Variants in NAALADL2 observed in about 807,000 individuals in gnomAD.
The protein encoded by NAALADL2 is N-acetylated alpha-linked acidic dipeptidase like 2.
NAALADL2 carries 76 observed loss-of-function variants against 87.2 expected under a neutral mutation model. The ratio of observed to expected loss-of-function variants is 0.87; its 90% CI spans 0.72 to 1.05. The LOEUF (loss-of-function observed/expected upper bound fraction) is 1.05, where lower values mean the gene tolerates loss of function less well. Among genes scored for constraint, NAALADL2 ranks in the 50% least tolerant of loss-of-function variants. The pLI is 0.00. For missense variants in NAALADL2, 1,089 were observed against 945.8 expected (o/e 1.15, Z -1.99); for synonymous variants, 354 against 331.0 (o/e 1.07, Z -0.75).
At chr3:175,767,804 G>A (rs1349858433) in intron 13 of NAALADL2, 1 of 151,998 alleles carries the variant, frequency 6.6e-6, no homozygotes, top group Non-Finnish European at 1.5e-5. Flanking sequence ...CAGTTCTCAG[G>A]CAGGCAACTT....
intron 1 of NAALADL2, among the ~76,000 whole-genome samples, chr3:174,954,585 C>T (rs1740891647): frequency 6.6e-6 from 1 of 152,052 alleles, no homozygotes. Flanking sequence ...TACAGTGAGA[C>T]ATATTTGCTG....
At chr3:175,254,165 G>C (rs1336825514) in intron 3 of NAALADL2, among the ~76,000 whole-genome samples, 1 of 152,104 alleles carries the variant, frequency 6.6e-6, no homozygotes, top group Non-Finnish European at 1.5e-5. Flanking sequence ...TTTTATCAAA[G>C]GAAGAGTCAG....
At chr3:174,937,030 A>G (rs1416762614) in intron 1 of NAALADL2, among the ~76,000 whole-genome samples, 1 of 152,130 alleles carries the variant, frequency 6.6e-6, no homozygotes, top group Non-Finnish European at 1.5e-5. Context: ...AAAAAGAGCC[A>G]GAGAGATAAG....
At chr3:174,808,872 G>C (rs751868072) in intron 3 of NAALADL2, among the ~76,000 whole-genome samples, 1 of 151,926 alleles carries the variant, frequency 6.6e-6, no homozygotes. Flanking sequence ...GTATGTGTAT[G>C]TGTATGTGTG....
chr3:175,636,909 T>G (rs1305442566), intron 11 of NAALADL2, among the ~76,000 whole-genome samples: 1 of 152,180 alleles, frequency 6.6e-6, no homozygotes, highest in Non-Finnish European at 1.5e-5. Flanking sequence ...AGGGTTAATA[T>G]TCTTGTCAAT....
intron 2 of NAALADL2, among the ~76,000 whole-genome samples, chr3:174,621,932 C>T (rs905436609): frequency 6.6e-6 from 1 of 152,124 alleles, no homozygotes; most frequent in African/African-American, 2.4e-5. Context: ...CATTAGCATT[C>T]ATCTGTTTGC....
At chr3:175,592,370 A>G (rs929184350) in intron 10 of NAALADL2, among the ~76,000 whole-genome samples, 20 of 131,362 alleles carry the variant, frequency 1.5e-4, no homozygotes, top group Admixed American at 1.3e-3. Context: ...CTTATGGTCT[A>G]TCTTACAGTT....
At chr3:174,550,662 A>T (rs911245200) in intron 2 of NAALADL2, 14 of 152,036 alleles carry the variant, frequency 9.2e-5, no homozygotes, top group African/African-American at 3.1e-4. Context: ...TAGATATTTT[A>T]TCCAGGATAA....
chr3:175,693,160 G>A (rs963507566), intron 11 of NAALADL2, among the ~76,000 whole-genome samples: 8 of 152,080 alleles, frequency 5.3e-5, no homozygotes, highest in South Asian at 4.1e-4. Flanking sequence ...GTGTGAGACC[G>A]CACTTGGAGT....
At chr3:175,307,649 A>C (rs902427832) in intron 4 of NAALADL2, among the ~76,000 whole-genome samples, 2 of 152,174 alleles carry the variant, frequency 1.3e-5, no homozygotes, top group African/African-American at 4.8e-5. Context: ...AAGCTTATTG[A>C]GTCTGATCAG....
chr3:175,168,378 A>G (rs1429692023), intron 2 of NAALADL2, among the ~76,000 whole-genome samples: 1 of 151,852 alleles, frequency 6.6e-6, no homozygotes, highest in African/African-American at 2.4e-5. Context: ...AAGCATATGC[A>G]TTCTTCCATA....
intron 1 of NAALADL2, among the ~76,000 whole-genome samples, chr3:174,954,092 C>T (rs1039753801): frequency 6.6e-6 from 1 of 152,066 alleles, no homozygotes; most frequent in African/African-American, 2.4e-5. Context: ...TTAGTGATGG[C>T]CCTATTTGCA....
At chr3:175,142,929 T>A (rs1173986932) in intron 2 of NAALADL2, among the ~76,000 whole-genome samples, 1 of 152,002 alleles carries the variant, frequency 6.6e-6, no homozygotes, top group African/African-American at 2.4e-5. Flanking sequence ...TTTAAAATAA[T>A]GCATGATCAT....
chr3:175,097,446 C>T (rs1009372825), intron 2 of NAALADL2, among the ~76,000 whole-genome samples, 155 bp downstream of exon 2: 7 of 152,132 alleles, frequency 4.6e-5, no homozygotes, highest in South Asian at 2.1e-4. Flanking sequence ...AAGAGGGGAG[C>T]GCACATTTTC....
chr3:174,664,831 C>T (rs1237421120), intron 2 of NAALADL2, among the ~76,000 whole-genome samples: 1 of 152,134 alleles, frequency 6.6e-6, no homozygotes, highest in African/African-American at 2.4e-5. Flanking sequence ...ATTATACATG[C>T]CAAATGATCC....
intron 4 of NAALADL2, among the ~76,000 whole-genome samples, chr3:175,323,004 CTA>C (rs1760122119): frequency 6.6e-6 from 1 of 151,594 alleles, no homozygotes; most frequent in Admixed American, 6.6e-5. Flanking sequence ...ACCCAAAAGA[CTA>C]TAAATCATGC....
At chr3:175,030,608 G>A (rs1287429270) in intron 1 of NAALADL2, among the ~76,000 whole-genome samples, 9 of 152,012 alleles carry the variant, frequency 5.9e-5, no homozygotes, top group African/African-American at 1.4e-4. Context: ...TTTTACTTCC[G>A]TTAAGATAAG....
At chr3:174,607,836 T>A (rs1220701973) in intron 2 of NAALADL2, among the ~76,000 whole-genome samples, 2 of 151,910 alleles carry the variant, frequency 1.3e-5, no homozygotes, top group East Asian at 3.9e-4. Context: ...TCTGCAGAAC[T>A]CTCCACCCCA....
At chr3:174,941,125 T>A (rs550252444) in intron 1 of NAALADL2, among the ~76,000 whole-genome samples, 1 of 152,138 alleles carries the variant, frequency 6.6e-6, no homozygotes, top group Non-Finnish European at 1.5e-5. Context: ...TCTAACTTTT[T>A]GATGTGGGCA....
Sources: gnomAD v4.1 joint callset for allele counts (sites outside exome capture counted in the v4.1 genomes callset) on GRCh38, gnomAD v4.1.1 for gene constraint, MANE v1.5 for transcripts, NCBI Gene and HGNC (gene_info 2026-07-23, HGNC 2026-07-21) for gene names.